The following NEDD1 variants were observed in gnomAD, a reference collection of about 807,000 sequenced individuals.
NEDD1 encodes NEDD1 gamma-tubulin ring complex targeting factor, also known as protein NEDD1.
A neutral mutation model predicts 74.0 loss-of-function variants in NEDD1; 33 were observed. That is an observed-to-expected ratio of 0.45 (90% CI 0.34 to 0.60). The LOEUF (loss-of-function observed/expected upper bound fraction) is 0.60. Among genes scored for constraint, NEDD1 ranks in the 20% least tolerant of loss-of-function variants. The probability of loss-of-function intolerance (pLI) is 0.01; values close to 1 mark genes in which losing one functional copy is unlikely to be tolerated. For synonymous variants in NEDD1, 250 were observed against 264.4 expected (o/e 0.95, Z 0.53); for missense variants, 746 against 776.5 (o/e 0.96, Z 0.47).
intron 4 of NEDD1, among the ~76,000 whole-genome samples, chr12:96,913,405 G>A (rs992569196): frequency 2.0e-5 from 3 of 150,470 alleles, no homozygotes; most frequent in Admixed American, 6.7e-5. Flanking sequence ...ATGGAGTCTC[G>A]CTCTGTTGCC....
intron 2 of NEDD1, among the ~76,000 whole-genome samples, chr12:96,908,904 C>T (rs1005396341): frequency 2.6e-5 from 4 of 152,158 alleles, no homozygotes; most frequent in African/African-American, 4.8e-5. Context: ...TGGCTGGGCA[C>T]GGTGGCTCAC....
intron 2 of NEDD1, among the ~76,000 whole-genome samples, chr12:96,908,163 A>G (rs1001088978): frequency 2.0e-5 from 3 of 152,156 alleles, no homozygotes; most frequent in African/African-American, 7.2e-5. Context: ...CCAAATCCAA[A>G]CATTGTGTTA....
intron 9 of NEDD1, among the ~76,000 whole-genome samples, chr12:96,938,828 C>G (rs1764813366): frequency 2.2e-5 from 1 of 45,424 alleles, no homozygotes. Context: ...CATTCTCTCT[C>G]TCTCTCTCAC....
rs1331622973 is a variant in NEDD1, at chr12:96,945,865, CT to C, written c.1811+17del. On this transcript the variant is annotated intron_variant, in intron 14 of 15. Transcript: ENST00000266742. Reference sequence around the variant, plus strand: ...ATGACTTTAGGTAGTAATTGAGAAACTACTCCTTCTATCTAGACCTTACTTG... The same window carrying C: ...ATGACTTTAGGTAGTAATTGAGAAACACTCCTTCTATCTAGACCTTACTTG... The C allele has an allele frequency of 6.5e-7, 1 of 1,537,036 alleles. No homozygotes were observed.
At chr12:96,929,642 C>G (rs1160895213) in intron 6 of NEDD1, among the ~76,000 whole-genome samples, 1 of 140,080 alleles carries the variant, frequency 7.1e-6, no homozygotes, top group Non-Finnish European at 1.5e-5. Flanking sequence ...TTAATGGCTG[C>G]TTGCTTTCTG....
Position 96,952,134 on chromosome 12 carries a change from A to G in NEDD1, c.*81A>G, listed in dbSNP as rs1424339701. On this transcript the variant is annotated 3_prime_UTR_variant, in exon 16 of 16. Transcript: ENST00000266742. ...ACTACATAGAATCAGTATTGTTTTC[A>G]TGGCCTCCAGGGAAAAAATGTTTTT... 5.3e-6 allele frequency: 4 copies of G among 754,022 alleles called. No homozygotes were observed. 46.7% of individuals were successfully genotyped at this position (754,022 alleles called of 1,614,324 possible). A position where few individuals can be genotyped will look rare whatever the true frequency, so the allele number is the denominator to read the frequency against.
intron 6 of NEDD1, chr12:96,924,766 TAA>T (rs2136543135): frequency 2.4e-6 from 1 of 424,838 alleles, no homozygotes; most frequent in East Asian, 7.3e-5. Context: ...CTGTGAATGA[TAA>T]GTTTTTATTT....
Position 96,920,102 on chromosome 12 carries a change from C to A in NEDD1, c.466C>A (p.Pro156Thr). Residue 156 changes from proline to threonine, a missense_variant, in exon 6 of 16, where the codon CCT (proline) becomes ACT (threonine). Around this residue, in one of 3 missense-constraint regions of NEDD1, gnomAD observed 706 missense variants for 706.7 expected, o/e 1.00. Coordinates refer to ENST00000266742, the MANE Select transcript of NEDD1 (RefSeq NM_152905.4). The part of the protein sequence containing the change: ...HSVTTNLSST[P>T]FGHGSNQSVR... ...TGTAACCACTAATTTATCTAGTACT[C>A]CTTTTGGCCATGGTAGTAACCAGGT... is the stretch of plus-strand genomic sequence containing the variant. The A allele has an allele frequency of 6.3e-7, 1 of 1,599,152 alleles. No homozygotes were observed. Among genetic ancestry groups the A allele is most frequent in the Non-Finnish European group, 8.5e-7 (1 of 1,170,604 alleles).
intron 1 of NEDD1, 144 bp from the exon 2 acceptor site, chr12:96,907,460 T>G: frequency 1.6e-6 from 1 of 634,082 alleles, no homozygotes; most frequent in Non-Finnish European, 2.6e-6. Context: ...GGCGGCGCGC[T>G]GGGCTGGGAA....
chr12:96,952,697 G>T lies in NEDD1; in HGVS notation c.*644G>T, dbSNP rs1488847604. On this transcript the variant is annotated 3_prime_UTR_variant, in exon 16 of 16. Coordinates refer to ENST00000266742, the MANE Select transcript of NEDD1 (RefSeq NM_152905.4). ...TCTGACAAATCTTTATTCCTGGGTG[G>T]TATTTTTAAGATATCTTTACCTATA... 1 of 151,516 alleles carries T rather than the reference G, an allele frequency of 6.6e-6. No individual in the cohort carries two copies. The highest frequency in any genetic ancestry group is 1.5e-5 in the Non-Finnish European group (1 of 67,640). 9.4% of individuals were successfully genotyped at this position (151,516 alleles called of 1,614,324 possible).
intron 3 of NEDD1, among the ~76,000 whole-genome samples, chr12:96,911,097 C>G (rs1235216665): frequency 6.6e-6 from 1 of 152,116 alleles, no homozygotes; most frequent in East Asian, 1.9e-4. Context: ...GGTGAAGTGA[C>G]TACATTTTTG....
At chr12:96,950,221 A>G (rs761697812) in intron 14 of NEDD1, among the ~76,000 whole-genome samples, 8 of 152,030 alleles carry the variant, frequency 5.3e-5, no homozygotes, top group African/African-American at 9.6e-5. Flanking sequence ...TAAAAATGCA[A>G]TGAGATACCG....
At chr12:96,941,643 T>C (rs1877673584) in intron 10 of NEDD1, among the ~76,000 whole-genome samples, 1 of 152,114 alleles carries the variant, frequency 6.6e-6, no homozygotes, top group African/African-American at 2.4e-5. Flanking sequence ...GAGACTCCTC[T>C]GGAGGAACTT....
chr12:96,929,977 G>T (rs1360656693), intron 6 of NEDD1, among the ~76,000 whole-genome samples: 4 of 152,074 alleles, frequency 2.6e-5, no homozygotes, highest in African/African-American at 9.7e-5. Context: ...CAGATTCCTT[G>T]TTATTCCTTC....
At chr12:96,927,523 T>A (rs1875845215) in intron 6 of NEDD1, among the ~76,000 whole-genome samples, 1 of 152,228 alleles carries the variant, frequency 6.6e-6, no homozygotes, top group Non-Finnish European at 1.5e-5. Flanking sequence ...TTGTGTTATC[T>A]TTCTCAAGCT....
chr12:96,924,919 A>G (rs927118835), intron 6 of NEDD1: 1 of 442,714 alleles, frequency 2.3e-6, no homozygotes, highest in Non-Finnish European at 4.5e-6. Context: ...TCAATTTACT[A>G]CCAAGCATGA....
chr12:96,930,409 A>G (rs999648981), intron 6 of NEDD1, among the ~76,000 whole-genome samples: 2 of 152,194 alleles, frequency 1.3e-5, no homozygotes, highest in Non-Finnish European at 2.9e-5. Flanking sequence ...GGTGAAGGCC[A>G]TAGGAAACCA....
chr12:96,918,512 T>G (rs75819629), intron 5 of NEDD1, among the ~76,000 whole-genome samples: 1,526 of 152,268 alleles, frequency 0.01, 69 homozygotes, highest in East Asian at 0.095. Context: ...ATGGCAAAAT[T>G]TGATGATTTT....
intron 4 of NEDD1, among the ~76,000 whole-genome samples, chr12:96,914,336 G>A (rs57888505): frequency 1.6e-4 from 25 of 152,016 alleles, no homozygotes; most frequent in Admixed American, 2.6e-4. Flanking sequence ...TTTTTTTAAA[G>A]TATAAAAATA....
Sources: allele counts gnomAD v4.1 joint callset (sites outside exome capture counted in the v4.1 genomes callset), GRCh38; gene constraint gnomAD v4.1.1; regional missense constraint gnomAD v4.1.1; transcripts MANE v1.5; gene names NCBI Gene and HGNC (gene_info 2026-07-23, HGNC 2026-07-21).